The following RALGAPA2 variants were observed in gnomAD, a reference collection of about 807,000 sequenced individuals.
The protein encoded by RALGAPA2 is ral GTPase-activating protein subunit alpha-2.
RALGAPA2 carries 139 observed loss-of-function variants against 230.4 expected under a neutral mutation model. That is an observed-to-expected ratio of 0.60 (90% CI 0.53 to 0.69). RALGAPA2 has a LOEUF of 0.69. Ranked by LOEUF, RALGAPA2 falls within the 30% of genes least tolerant of loss-of-function variation. RALGAPA2 has a pLI of 0.00. For missense variants in RALGAPA2, 2,163 were observed against 2,276.0 expected (o/e 0.95, Z 1.01); for synonymous variants, 847 against 837.8 (o/e 1.01, Z -0.19).
chr20:20,429,305 G>A (rs2060453996), intron 37 of RALGAPA2, among the ~76,000 whole-genome samples: 1 of 152,186 alleles, frequency 6.6e-6, no homozygotes, highest in Admixed American at 6.5e-5. Flanking sequence ...TAAGATGCTT[G>A]CAATGTTCAG....
chr20:20,476,597 C>T (rs1167425293), intron 36 of RALGAPA2, among the ~76,000 whole-genome samples: 2 of 149,660 alleles, frequency 1.3e-5, no homozygotes, highest in African/African-American at 4.9e-5. Flanking sequence ...ATAAAGCCTC[C>T]AGAAAAAAAA....
intron 27 of RALGAPA2, among the ~76,000 whole-genome samples, chr20:20,529,800 T>C (rs2063321189): frequency 6.6e-6 from 1 of 152,230 alleles, no homozygotes; most frequent in Admixed American, 6.5e-5. Flanking sequence ...TCTTAGAATG[T>C]ATCCCCATCA....
chr20:20,516,830 A>G (rs6082028), intron 31 of RALGAPA2, among the ~76,000 whole-genome samples: 4,963 of 152,266 alleles, frequency 0.033, 101 homozygotes, highest in South Asian at 0.061. Context: ...ATTCCTAGGG[A>G]AAGTGGGAGA....
chr20:20,616,135 A>G lies in RALGAPA2; in HGVS notation c.1596T>C (p.Pro532=). Residue 532 remains proline, a synonymous_variant, in exon 13 of 40, where the codon CCT becomes CCC. Transcript: ENST00000202677. ...CATCAACTTGTTCTTTCAAGAGCACAGGAACTTCAGCACATGGTTCCAACA... is the reference window on the plus strand; with the variant it reads ...CATCAACTTGTTCTTTCAAGAGCACGGGAACTTCAGCACATGGTTCCAACA... ...IFLLEPCAEV[P]VLLKEQVDAC... 1 of 1,553,896 alleles carries G rather than the reference A, an allele frequency of 6.4e-7. No homozygotes were observed. Among genetic ancestry groups the G allele is most frequent in the South Asian group, 1.2e-5 (1 of 82,640 alleles).
At chr20:20,534,504 T>C (rs1163571419) in intron 26 of RALGAPA2, among the ~76,000 whole-genome samples, 1 of 151,712 alleles carries the variant, frequency 6.6e-6, no homozygotes, top group African/African-American at 2.4e-5. Flanking sequence ...ATTTTAAAAT[T>C]TAGGTGAAAC....
chr20:20,430,632 C>T (rs886386126), intron 37 of RALGAPA2, among the ~76,000 whole-genome samples: 6 of 152,184 alleles, frequency 3.9e-5, no homozygotes, highest in Admixed American at 3.9e-4. Flanking sequence ...ACTGTTTTCA[C>T]TCATCTCCAG....
chr20:20,635,208 A>G, intron 9 of RALGAPA2: 1 of 575,576 alleles, frequency 1.7e-6, no homozygotes, highest in South Asian at 2.1e-5. Flanking sequence ...TTGCATCATC[A>G]TGGCAGTCCC....
At chr20:20,485,095 G>C (rs2061877031) in intron 36 of RALGAPA2, among the ~76,000 whole-genome samples, 1 of 150,240 alleles carries the variant, frequency 6.7e-6, no homozygotes, top group Non-Finnish European at 1.5e-5. Flanking sequence ...TATTATTAGT[G>C]TTAGTGTATT....
At chr20:20,555,406 T>C (rs2064053774) in intron 23 of RALGAPA2, among the ~76,000 whole-genome samples, 1 of 152,230 alleles carries the variant, frequency 6.6e-6, no homozygotes. Context: ...TATTCAAGAT[T>C]CCCTCCAATT....
chr20:20,515,113 T>G (rs1195978503), intron 31 of RALGAPA2, among the ~76,000 whole-genome samples: 1 of 152,228 alleles, frequency 6.6e-6, no homozygotes, highest in Non-Finnish European at 1.5e-5. Context: ...GTGCATTCCA[T>G]GGACCACTCC....
At position 20,393,218 on chromosome 20, in the gene RALGAPA2, C is replaced by T. The variant is rs1277926051; in HGVS notation, c.*71G>A. On this transcript the variant is annotated 3_prime_UTR_variant, in exon 40 of 40. Transcript: ENST00000202677. Reference sequence around the variant, plus strand: ...TCTGTCTCCTCCTCACTCAGGGGCTCTTCGAGGTCAGCACTCAGACTGGAG... The same window carrying T: ...TCTGTCTCCTCCTCACTCAGGGGCTTTTCGAGGTCAGCACTCAGACTGGAG... The T allele has an allele frequency of 1.5e-6, 2 of 1,353,674 alleles. No individual in the cohort carries two copies. The highest frequency in any genetic ancestry group is 2.3e-5 in the South Asian group (2 of 85,320). The allele number at this position is 1,353,674 out of a possible 1,614,324, so 83.9% of individuals were successfully genotyped here.
chr20:20,499,997 TTACTA>T (rs2062326068), intron 35 of RALGAPA2, among the ~76,000 whole-genome samples: 1 of 152,226 alleles, frequency 6.6e-6, no homozygotes, highest in African/African-American at 2.4e-5. Flanking sequence ...AAACTTATGT[TTACTA>T]TAGTCTATTA....
chr20:20,434,630 G>A (rs1417246143), intron 37 of RALGAPA2, among the ~76,000 whole-genome samples: 1 of 152,106 alleles, frequency 6.6e-6, no homozygotes, highest in Non-Finnish European at 1.5e-5. Context: ...TTGGGTAGAG[G>A]ACTATATTAA....
intron 23 of RALGAPA2, among the ~76,000 whole-genome samples, chr20:20,560,061 C>T (rs2145831175): frequency 6.6e-6 from 1 of 152,120 alleles, no homozygotes; most frequent in East Asian, 1.9e-4. Context: ...TAAGGCAGCC[C>T]CTGCCTTCCA....
rs142320113 is a variant in RALGAPA2 at position 20,476,307 on chromosome 20, C to T, written c.5368-3351G>A. On this transcript the variant is annotated intron_variant, in intron 36 of 39. Coordinates refer to ENST00000202677, the MANE Select transcript of RALGAPA2 (RefSeq NM_020343.4). ...AGACTTATATTACCTAATTTCATGG[C>T]ACACTATAAAAATATAATAATTAAG... Among the ~76,000 whole-genome samples the T allele has an allele frequency of 5.5e-3, 844 of 152,156 alleles. 4 individuals are homozygous for T. The highest frequency in any genetic ancestry group is 9.5e-3 in the Non-Finnish European group (644 of 67,980).
At chr20:20,561,162 T>C (rs544855023) in intron 23 of RALGAPA2, among the ~76,000 whole-genome samples, 140 of 152,340 alleles carry the variant, frequency 9.2e-4, no homozygotes, top group Non-Finnish European at 1.6e-3. Context: ...ACCTATCACC[T>C]GCCATATTTG....
rs1491315846 is a variant in RALGAPA2 at position 20,490,894 on chromosome 20, ACT to A, written c.5367+4221_5367+4222del. ...CACACACACACACACACACACACAC[ACT>A]CACACTCACTCACTCACAATAGCTG... is the stretch of plus-strand genomic sequence containing the variant. On this transcript the variant is annotated intron_variant, in intron 36 of 39. Transcript: ENST00000202677. 3.2e-3 allele frequency among the ~76,000 whole-genome samples: 458 copies of A among 145,024 alleles called. 1 individual carries two copies. Among genetic ancestry groups the A allele is most frequent in the African/African-American group, 0.011 (428 of 38,608 alleles).
At chr20:20,501,174 AAG>A (rs1452361234) in intron 35 of RALGAPA2, among the ~76,000 whole-genome samples, 2 of 152,234 alleles carry the variant, frequency 1.3e-5, no homozygotes, top group African/African-American at 4.8e-5. Context: ...TAGCCCTAAC[AAG>A]AGAGTCAGAC....
chr20:20,573,214 A>T (rs976110043), intron 20 of RALGAPA2, 146 bp from the exon 21 acceptor site: 2 of 707,332 alleles, frequency 2.8e-6, no homozygotes, highest in Non-Finnish European at 4.5e-6. Flanking sequence ...AAGGAGAGAA[A>T]AGCAGGATCA....
Sources: gnomAD v4.1 joint callset for allele counts (sites outside exome capture counted in the v4.1 genomes callset) on GRCh38, gnomAD v4.1.1 for gene constraint, MANE v1.5 for transcripts, NCBI Gene and HGNC (gene_info 2026-07-23, HGNC 2026-07-21) for gene names.